The following ADAMTS6 variants were observed in gnomAD, a reference collection of about 807,000 sequenced individuals.
ADAMTS6 encodes A disintegrin and metalloproteinase with thrombospondin motifs 6.
In ADAMTS6, 23 loss-of-function variants were observed where a neutral mutation model predicts 144.3. The observed-to-expected ratio is 0.16, with a 90% CI of 0.11 to 0.23. ADAMTS6 has a LOEUF of 0.23. Ranked by LOEUF, ADAMTS6 falls within the 10% of genes least tolerant of loss-of-function variation. The pLI, the probability that ADAMTS6 is intolerant of heterozygous loss-of-function variation, is 1.00. For synonymous variants in ADAMTS6, 444 were observed against 457.5 expected (o/e 0.97, Z 0.38); for missense variants, 999 against 1,379.6 (o/e 0.72, Z 4.37).
intron 24 of ADAMTS6, among the ~76,000 whole-genome samples, chr5:65,170,269 A>G (rs2112068119): frequency 6.6e-6 from 1 of 152,380 alleles, no homozygotes; most frequent in South Asian, 2.1e-4. Flanking sequence ...AAAGAAACAG[A>G]AGTTTGCACT....
chr5:65,447,887 C>T lies in ADAMTS6; in HGVS notation c.1073+3588G>A, dbSNP rs565431906. Among the ~76,000 whole-genome samples, 967 of 150,266 alleles carry T rather than the reference C, an allele frequency of 6.4e-3. 7 individuals are homozygous for T. The highest frequency in any genetic ancestry group is 0.021 in the African/African-American group (851 of 41,088). ...CTATAGAAATATTGCCATATTTCCA[C>T]AAATTTATACATTATAGCACTAACT... On this transcript the variant is annotated intron_variant, in intron 7 of 24. Coordinates refer to ENST00000381055, the MANE Select transcript of ADAMTS6 (RefSeq NM_197941.4).
Position 65,260,602 on chromosome 5 carries a change from C to T in ADAMTS6, c.1828G>A (p.Asp610Asn), listed in dbSNP as rs1419518740. 1 of 1,612,980 alleles carries T rather than the reference C, an allele frequency of 6.2e-7. No individual in the cohort carries two copies. Among genetic ancestry groups the T allele is most frequent in the African/African-American group, 1.3e-5 (1 of 74,910 alleles). ...TAACAGAGTTTGGTTTTACTTACAT[C>T]TGTGTTACAGGAGCGATACCGTTTC... ...ERKRYRSCNT[D>N]PCPLGSRDFR... The change falls in exon 14 of 25, where the codon GAT becomes AAT. Residue 610 changes from aspartate to asparagine, a missense_variant and splice_region_variant. Physicochemically the swap from Asp to Asn is conservative, Grantham distance 23. Around this residue, in one of 3 missense-constraint regions of ADAMTS6, gnomAD observed 619 missense variants for 837.0 expected, o/e 0.74. Coordinates refer to ENST00000381055, the MANE Select transcript of ADAMTS6 (RefSeq NM_197941.4).
At chr5:65,348,256 CTCTG>C (rs557309875) in intron 7 of ADAMTS6, among the ~76,000 whole-genome samples, 14 of 152,088 alleles carry the variant, frequency 9.2e-5, no homozygotes, top group Non-Finnish European at 1.5e-4. Context: ...TGAAATCAAT[CTCTG>C]TCTATCTACA....
At chr5:65,481,284 G>A (rs965747094) in intron 1 of ADAMTS6, 59 bp downstream of exon 1, 1 of 145,570 alleles carries the variant, frequency 6.9e-6, no homozygotes, top group Non-Finnish European at 1.5e-5. Context: ...GACAAGCAAA[G>A]CACAAGTTGT....
At chr5:65,241,338 C>T (rs1759168232) in intron 15 of ADAMTS6, among the ~76,000 whole-genome samples, 1 of 144,588 alleles carries the variant, frequency 6.9e-6, no homozygotes, top group African/African-American at 2.6e-5. Context: ...TCAAGTGATT[C>T]TCCTGCCTTA....
At chr5:65,345,961 C>A (rs1213319676) in intron 7 of ADAMTS6, among the ~76,000 whole-genome samples, 1 of 151,844 alleles carries the variant, frequency 6.6e-6, no homozygotes, top group Non-Finnish European at 1.5e-5. Flanking sequence ...ACTCAATTGT[C>A]CCCAAAATCT....
intron 12 of ADAMTS6, among the ~76,000 whole-genome samples, chr5:65,263,566 T>C (rs1561348349): frequency 6.6e-6 from 1 of 152,094 alleles, no homozygotes; most frequent in African/African-American, 2.4e-5. Context: ...TGACTAGCCA[T>C]GTGTATGGCC....
intron 11 of ADAMTS6, among the ~76,000 whole-genome samples, chr5:65,279,753 A>T (rs1342489211): frequency 6.6e-6 from 1 of 152,102 alleles, no homozygotes; most frequent in African/African-American, 2.4e-5. Context: ...TTTCTTCTAA[A>T]GCTCCTATTT....
chr5:65,152,943 G>A (rs1752214684), intron 24 of ADAMTS6, among the ~76,000 whole-genome samples: 2 of 152,270 alleles, frequency 1.3e-5, no homozygotes, highest in Admixed American at 6.5e-5. Context: ...AAGCATCCTG[G>A]GTAAATTGTT....
intron 11 of ADAMTS6, among the ~76,000 whole-genome samples, chr5:65,281,243 T>G (rs1762967421): frequency 1.3e-5 from 2 of 152,298 alleles, no homozygotes; most frequent in Admixed American, 1.3e-4. Context: ...ACCACACACC[T>G]AAGCTACTTT....
At chr5:65,410,477 A>G (rs1179405832) in intron 7 of ADAMTS6, among the ~76,000 whole-genome samples, 23 of 152,174 alleles carry the variant, frequency 1.5e-4, no homozygotes, top group Admixed American at 1.5e-3. Flanking sequence ...GAACAGCTAA[A>G]TCAAAATAAT....
chr5:65,283,615 G>T (rs1170715769), intron 11 of ADAMTS6, among the ~76,000 whole-genome samples: 1 of 152,076 alleles, frequency 6.6e-6, no homozygotes. Context: ...ATAAATATAT[G>T]TTTGGATTTC....
At chr5:65,453,233 T>C (rs1438098957) in intron 4 of ADAMTS6, among the ~76,000 whole-genome samples, 1 of 152,208 alleles carries the variant, frequency 6.6e-6, no homozygotes, top group East Asian at 1.9e-4. Flanking sequence ...AAATTTAGGA[T>C]ATATACTTTA....
chr5:65,452,278 G>A (rs763011236), intron 5 of ADAMTS6, 62 bp from the exon 6 acceptor site: 25 of 1,437,536 alleles, frequency 1.7e-5, no homozygotes, highest in Non-Finnish European at 2.2e-5. Flanking sequence ...TGATAGTTTG[G>A]TTTTTTAAGT....
At chr5:65,466,083 C>T (rs1759974539) in intron 3 of ADAMTS6, among the ~76,000 whole-genome samples, 1 of 152,190 alleles carries the variant, frequency 6.6e-6, no homozygotes, top group Admixed American at 6.5e-5. Context: ...CCTACCTACT[C>T]CTCGAACAGC....
intron 9 of ADAMTS6, among the ~76,000 whole-genome samples, chr5:65,309,281 T>C (rs1580355965): frequency 6.6e-6 from 1 of 152,010 alleles, no homozygotes; most frequent in South Asian, 2.1e-4. Context: ...ATTTAGACAG[T>C]CCCATCTAGG....
intron 7 of ADAMTS6, among the ~76,000 whole-genome samples, chr5:65,417,447 G>T (rs142101083): frequency 6.6e-6 from 1 of 152,044 alleles, no homozygotes; most frequent in African/African-American, 2.4e-5. Flanking sequence ...CTATCTCTGC[G>T]CATAGGATGA....
At chr5:65,284,339 G>A (rs1008745858) in intron 11 of ADAMTS6, among the ~76,000 whole-genome samples, 1 of 151,904 alleles carries the variant, frequency 6.6e-6, no homozygotes, top group Non-Finnish European at 1.5e-5. Context: ...ACAGCTTGAT[G>A]GCATTATTAT....
At chr5:65,327,561 T>G (rs942894390) in intron 9 of ADAMTS6, among the ~76,000 whole-genome samples, 3 of 152,148 alleles carry the variant, frequency 2.0e-5, no homozygotes, top group African/African-American at 7.2e-5. Context: ...TGAAACAAAG[T>G]TACTCCAAGA....
Sources: gnomAD v4.1 joint callset for allele counts (sites outside exome capture counted in the v4.1 genomes callset) on GRCh38, gnomAD v4.1.1 for gene constraint, gnomAD v4.1.1 regional missense constraint, MANE v1.5 for transcripts, NCBI Gene and HGNC (gene_info 2026-07-23, HGNC 2026-07-21) for gene names.